RGS8: variants seen among roughly 807,000 people sequenced by gnomAD.
The protein encoded by RGS8 is regulator of G protein signaling 8.
Under a neutral mutation model 21.7 loss-of-function variants are expected in RGS8, and 8 were observed. That is an observed-to-expected ratio of 0.37 (90% CI 0.22 to 0.66). RGS8 has a LOEUF of 0.66. RGS8 is among the 30% of genes least tolerant of loss of function. The pLI, the probability that RGS8 is intolerant of heterozygous loss-of-function variation, is 0.59. For missense variants in RGS8, 157 were observed against 217.9 expected, an observed-to-expected ratio of 0.72 and a Z score of 1.76; for synonymous variants, 80 against 83.6, an observed-to-expected ratio of 0.96 and a Z score of 0.24.
the RGS8 span, among the ~76,000 whole-genome samples, chr1:182,741,426 C>T: frequency 7.3e-6 from 1 of 137,232 alleles, no homozygotes; most frequent in Non-Finnish European, 1.6e-5. Context: ...CCCCACCTCC[C>T]TCCCGGACAG....
the RGS8 span, among the ~76,000 whole-genome samples, chr1:182,741,621 G>A: frequency 8.0e-6 from 1 of 124,572 alleles, no homozygotes; most frequent in African/African-American, 3.0e-5. Flanking sequence ...TGGCTGGGCG[G>A]GGGGCTGACC....
the RGS8 span, among the ~76,000 whole-genome samples, chr1:182,724,683 G>A: frequency 2.0e-5 from 3 of 152,008 alleles, no homozygotes; most frequent in East Asian, 1.9e-4. Flanking sequence ...TCAGCCTTCC[G>A]AGTAGCTGGG....
intron 6 of RGS8, among the ~76,000 whole-genome samples, chr1:182,647,159 AG>A (rs1479091528): frequency 6.6e-6 from 1 of 152,258 alleles, no homozygotes; most frequent in African/African-American, 2.4e-5. Context: ...GAGACTAAAA[AG>A]CTTGTTTAAA....
the RGS8 span, among the ~76,000 whole-genome samples, chr1:182,712,080 C>T: frequency 1.3e-5 from 2 of 152,118 alleles, no homozygotes; most frequent in African/African-American, 4.8e-5. Flanking sequence ...TTTGTTACTC[C>T]CATTTAACAA....
the RGS8 span, among the ~76,000 whole-genome samples, chr1:182,741,609 G>A: frequency 1.2e-4 from 14 of 116,264 alleles, no homozygotes; most frequent in South Asian, 2.9e-4. Flanking sequence ...AGACGGGGCG[G>A]CTGGCTGGGC....
At chr1:182,668,249 G>A (rs1174491433) in intron 3 of RGS8, among the ~76,000 whole-genome samples, 1 of 152,180 alleles carries the variant, frequency 6.6e-6, no homozygotes, top group Admixed American at 6.5e-5. Flanking sequence ...TGAGGGCAAA[G>A]GTAAGTGGGA....
intron 1 of RGS8, among the ~76,000 whole-genome samples, chr1:182,682,069 G>A (rs944430010): frequency 2.6e-5 from 4 of 152,126 alleles, no homozygotes; most frequent in Admixed American, 2.6e-4. Context: ...GTAGGTGTTT[G>A]GACAAAGAAG....
At chr1:182,701,915 A>G in the RGS8 span, among the ~76,000 whole-genome samples, 2 of 152,236 alleles carry the variant, frequency 1.3e-5, no homozygotes, top group Admixed American at 1.3e-4. Flanking sequence ...AACGGCTACT[A>G]TTAAAAAGTT....
the RGS8 span, among the ~76,000 whole-genome samples, chr1:182,708,888 C>T: frequency 7.9e-5 from 12 of 152,196 alleles, no homozygotes; most frequent in Non-Finnish European, 1.5e-4. Context: ...GTCGCTGATG[C>T]ACTGCTCCCC....
the RGS8 span, among the ~76,000 whole-genome samples, chr1:182,724,220 A>C: frequency 9.9e-6 from 1 of 100,990 alleles, no homozygotes; most frequent in African/African-American, 4.2e-5. Context: ...ATATATATAT[A>C]TATATATATA....
the RGS8 span, among the ~76,000 whole-genome samples, chr1:182,700,061 G>C: frequency 6.6e-6 from 1 of 152,178 alleles, no homozygotes; most frequent in African/African-American, 2.4e-5. Flanking sequence ...GAGCCCGCCT[G>C]GGTCTCAGGT....
the RGS8 span, among the ~76,000 whole-genome samples, chr1:182,699,133 A>G: frequency 6.6e-6 from 1 of 152,222 alleles, no homozygotes; most frequent in African/African-American, 2.4e-5. Context: ...TCTTATTAAA[A>G]GCCGCCTCTC....
the RGS8 span, among the ~76,000 whole-genome samples, chr1:182,731,055 T>C: frequency 6.6e-6 from 1 of 152,320 alleles, no homozygotes; most frequent in South Asian, 2.1e-4. Flanking sequence ...TTATCTGACC[T>C]GCATTCTATC....
the RGS8 span, among the ~76,000 whole-genome samples, chr1:182,742,545 C>G: frequency 4.6e-5 from 7 of 152,212 alleles, no homozygotes; most frequent in African/African-American, 1.7e-4. Flanking sequence ...GAGACCAGCC[C>G]GGCCAACACA....
chr1:182,666,077 C>G, intron 4 of RGS8, 44 bp from the exon 6 acceptor site: 2 of 1,542,360 alleles, frequency 1.3e-6, no homozygotes, highest in Non-Finnish European at 1.8e-6. Flanking sequence ...CTGAAATAAC[C>G]TCCTTGCCCT....
the RGS8 span, among the ~76,000 whole-genome samples, chr1:182,747,876 G>A: frequency 6.6e-6 from 1 of 150,704 alleles, no homozygotes; most frequent in Non-Finnish European, 1.5e-5. Context: ...AGTCCAGGCA[G>A]TGTTTAAATC....
chr1:182,734,800 A>G, the RGS8 span: 1 of 152,334 alleles, frequency 6.6e-6, no homozygotes, highest in East Asian at 1.9e-4. Flanking sequence ...CAGTCAATAG[A>G]AGGTCAGCAA....
At chr1:182,748,777 T>C in the RGS8 span, among the ~76,000 whole-genome samples, 2 of 152,188 alleles carry the variant, frequency 1.3e-5, no homozygotes. Context: ...TTCTGTTTTG[T>C]CTTTTTTATA....
At chr1:182,688,428 A>G (rs966239934), upstream of RGS8, among the ~76,000 whole-genome samples, 2 of 152,114 alleles carry the variant, frequency 1.3e-5, no homozygotes, top group Non-Finnish European at 2.9e-5. Flanking sequence ...AAGAAAGATG[A>G]GGAGGAAGAA....
Sources: allele counts gnomAD v4.1 joint callset (sites outside exome capture counted in the v4.1 genomes callset), GRCh38; gene constraint gnomAD v4.1.1; transcripts MANE v1.5; gene names NCBI Gene and HGNC (gene_info 2026-07-23, HGNC 2026-07-21).